CDKL1: variants seen among roughly 807,000 people sequenced by gnomAD.
CDKL1 encodes the protein cyclin-dependent kinase-like 1.
In CDKL1, 41 loss-of-function variants were observed where a neutral mutation model predicts 42.0. That is an observed-to-expected ratio of 0.98 (90% CI 0.76 to 1.27). The LOEUF is 1.27. CDKL1 is among the 50% of genes most tolerant of loss of function. CDKL1 has a pLI of 0.00. For synonymous variants in CDKL1, 153 were observed against 158.6 expected (o/e 0.96, Z 0.26); for missense variants, 394 against 428.4 (o/e 0.92, Z 0.71).
chr14:50,372,931 A>T (rs1024785897), intron 2 of CDKL1, among the ~76,000 whole-genome samples: 5 of 151,476 alleles, frequency 3.3e-5, no homozygotes, highest in African/African-American at 1.2e-4. Context: ...TGTTCTAATT[A>T]CTATATTTTT....
chr14:50,330,534 C>CTGAT (rs1464308487), intron 9 of CDKL1: 2 of 220,426 alleles, frequency 9.1e-6, no homozygotes, highest in African/African-American at 2.4e-5. Flanking sequence ...GCGGAGAAAA[C>CTGAT]TGATAAACAG....
chr14:50,344,827 T>C (rs1359224000), intron 4 of CDKL1, among the ~76,000 whole-genome samples, 159 bp downstream of exon 4: 1 of 152,160 alleles, frequency 6.6e-6, no homozygotes, highest in Non-Finnish European at 1.5e-5. Context: ...CAAGAAGGAA[T>C]AGCTAGGTTG....
At position 50,328,239 on chromosome 14, in the gene CDKL1, A is replaced by G. The variant is rs2032783275; in HGVS notation, c.*1835T>C. On this transcript the variant is annotated 3_prime_UTR_variant, in exon 10 of 10. Transcript: ENST00000395834. The stretch of plus-strand genomic sequence containing the variant: ...TTAAGGAAAAAAAAATTTTTTTTTA[A>G]CTATTCACGGAAGCTGGATGTTCTT... The G allele has an allele frequency of 2.0e-5, 3 of 152,178 alleles. No individual in the cohort carries two copies. The highest frequency in any genetic ancestry group is 4.4e-5 in the Non-Finnish European group (3 of 68,028). The allele number at this position is 152,178 out of a possible 1,614,324, so 9.4% of individuals were successfully genotyped here.
At chr14:50,337,578 C>T (rs2033346760) in intron 7 of CDKL1, among the ~76,000 whole-genome samples, 1 of 152,020 alleles carries the variant, frequency 6.6e-6, no homozygotes, top group African/African-American at 2.4e-5. Context: ...GTCTAGACCT[C>T]CTGTGCTCAA....
intron 2 of CDKL1, among the ~76,000 whole-genome samples, chr14:50,367,042 G>T (rs2034454961): frequency 6.6e-6 from 1 of 152,226 alleles, no homozygotes; most frequent in African/African-American, 2.4e-5. Flanking sequence ...CCCCGAAGGA[G>T]CGAGAGTGAG....
At chr14:50,391,625 C>T (rs566669158) in intron 2 of CDKL1, among the ~76,000 whole-genome samples, 63 of 152,128 alleles carry the variant, frequency 4.1e-4, no homozygotes, top group African/African-American at 1.3e-3. Flanking sequence ...TCAAGTGATC[C>T]GCCCGTCTCA....
intron 2 of CDKL1, among the ~76,000 whole-genome samples, chr14:50,391,843 T>C (rs529192818): frequency 1.3e-5 from 2 of 152,224 alleles, no homozygotes; most frequent in African/African-American, 2.4e-5. Context: ...CTCACTCGTA[T>C]AATAAAAACA....
At chr14:50,349,209 G>A (rs1276118893) in intron 3 of CDKL1, among the ~76,000 whole-genome samples, 1 of 152,150 alleles carries the variant, frequency 6.6e-6, no homozygotes, top group Non-Finnish European at 1.5e-5. Context: ...CTAGAAGATA[G>A]AAGACACTAA....
chr14:50,396,000 C>A lies in CDKL1; in HGVS notation c.-132G>T, dbSNP rs1372594643. On this transcript the variant is annotated 5_prime_UTR_variant, in exon 2 of 10. The change abolishes an upstream ATG in the 5' untranslated region. Coordinates refer to ENST00000395834, the MANE Select transcript of CDKL1 (RefSeq NM_004196.7). The stretch of plus-strand genomic sequence containing the variant: ...AGGAGTTCGAGACCAGTCTGGCCAA[C>A]ATACTGAAACTCCGTCTCTACTAAA... The A allele has an allele frequency of 3.1e-5, 32 of 1,017,204 alleles. No individual in the cohort carries two copies. The highest frequency in any genetic ancestry group is 4.4e-5 in the Non-Finnish European group (31 of 706,626). 63.0% of individuals were successfully genotyped at this position (1,017,204 alleles called of 1,614,324 possible).
At chr14:50,372,247 A>T (rs2034610394) in intron 2 of CDKL1, among the ~76,000 whole-genome samples, 2 of 151,966 alleles carry the variant, frequency 1.3e-5, no homozygotes, top group Admixed American at 6.5e-5. Context: ...CCTCCTGAAT[A>T]TTTGGGATTA....
chr14:50,354,794 C>T (rs2034008390), intron 3 of CDKL1, among the ~76,000 whole-genome samples: 1 of 152,000 alleles, frequency 6.6e-6, no homozygotes, highest in Non-Finnish European at 1.5e-5. Context: ...AAGTTACAAG[C>T]ATGTTAATAA....
At chr14:50,335,285 G>C (rs1353528277) in intron 7 of CDKL1, among the ~76,000 whole-genome samples, 3 of 102,916 alleles carry the variant, frequency 2.9e-5, no homozygotes, top group African/African-American at 8.0e-5. Flanking sequence ...GACAGAGCAA[G>C]ACCCTGTCTC....
intron 2 of CDKL1, among the ~76,000 whole-genome samples, chr14:50,364,196 G>A (rs4901021): frequency 6.6e-6 from 1 of 152,112 alleles, no homozygotes; most frequent in East Asian, 1.9e-4. Context: ...TTAGCTGGGC[G>A]TGGTGACTCA....
chr14:50,341,111 A>G lies in CDKL1; in HGVS notation c.576T>C (p.Phe192=). 6.2e-7 allele frequency: 1 copy of G among 1,614,212 alleles called. No homozygotes were observed. Among genetic ancestry groups the G allele is most frequent in the Non-Finnish European group, 8.5e-7 (1 of 1,180,046 alleles). ...PVDVWAIGCV[F]AELLSGVPLW... The stretch of plus-strand genomic sequence containing the variant: ...GAGGCACTCCTGACAGCAGCTCAGC[A>G]AAGACACAGCCAATTGCCCAAACAT... Residue 192 remains phenylalanine, a synonymous_variant, in exon 6 of 10, where the codon TTT becomes TTC. Transcript: ENST00000395834.
chr14:50,330,695 G>T (rs1228383976), intron 9 of CDKL1: 1 of 152,330 alleles, frequency 6.6e-6, no homozygotes, highest in Non-Finnish European at 1.5e-5. Flanking sequence ...AACATAGCAA[G>T]ATCCCCATCT....
At chr14:50,332,778 T>C (rs2033031954) in intron 8 of CDKL1, 1 of 926,346 alleles carries the variant, frequency 1.1e-6, no homozygotes, top group Non-Finnish European at 1.6e-6. Context: ...TTGCATGTAC[T>C]TTGTAAAAAC....
intron 3 of CDKL1, among the ~76,000 whole-genome samples, chr14:50,350,201 A>G (rs1398212389): frequency 2.0e-5 from 3 of 152,214 alleles, no homozygotes; most frequent in African/African-American, 7.2e-5. Context: ...ATGAGCCACT[A>G]TGCCTGGCCT....
intron 3 of CDKL1, among the ~76,000 whole-genome samples, chr14:50,353,376 T>C (rs2033960354): frequency 6.6e-6 from 1 of 152,204 alleles, no homozygotes; most frequent in South Asian, 2.1e-4. Flanking sequence ...ATTACAGAAG[T>C]CATCCTTTCC....
At chr14:50,346,525 ATCATAGC>A (rs2033728416) in intron 3 of CDKL1, among the ~76,000 whole-genome samples, 2 of 151,888 alleles carry the variant, frequency 1.3e-5, no homozygotes, top group South Asian at 4.2e-4. Context: ...CAGTGGTGCT[ATCATAGC>A]TCACTGAACT....
Sources: gnomAD v4.1 joint callset for allele counts (sites outside exome capture counted in the v4.1 genomes callset) on GRCh38, gnomAD v4.1.1 for gene constraint, MANE v1.5 for transcripts, NCBI Gene and HGNC (gene_info 2026-07-23, HGNC 2026-07-21) for gene names.